The following SLC35F2 variants were observed in gnomAD, a reference collection of about 807,000 sequenced individuals.
SLC35F2 encodes the protein solute carrier family 35 member F2, also known as queuine/queuosine transporter SLC35F2.
Under a neutral mutation model 38.1 loss-of-function variants are expected in SLC35F2, and 25 were observed. The ratio of observed to expected loss-of-function variants is 0.66; its 90% CI spans 0.48 to 0.92. SLC35F2 has a LOEUF of 0.92. Ranked by LOEUF, SLC35F2 falls within the 40% of genes least tolerant of loss-of-function variation. The pLI, the probability that SLC35F2 is intolerant of heterozygous loss-of-function variation, is 0.00. For missense variants in SLC35F2, 409 were observed against 452.9 expected, an observed-to-expected ratio of 0.90 and a Z score of 0.88; for synonymous variants, 173 against 181.7, an observed-to-expected ratio of 0.95 and a Z score of 0.38.
intron 1 of SLC35F2, among the ~76,000 whole-genome samples, chr11:107,844,743 A>C (rs1482521276): frequency 2.0e-5 from 3 of 151,532 alleles, no homozygotes; most frequent in Non-Finnish European, 4.4e-5. Context: ...GGGAGGCCAA[A>C]GCGGGCGGAT....
rs1398628664 is a variant in SLC35F2, at chr11:107,791,061, C to CA, written c.*1553dup. 1 of 152,444 alleles carries CA rather than the reference C, an allele frequency of 6.6e-6. No individual in the cohort carries two copies. The highest frequency in any genetic ancestry group is 1.9e-4 in the East Asian group (1 of 5,188). The allele number at this position is 152,444 out of a possible 1,614,324, so 9.4% of individuals were successfully genotyped here. A position where few individuals can be genotyped will look rare whatever the true frequency, so the allele number is the denominator to read the frequency against. ...TCCCCATTTCTTTTTTACATTGTTA[C>CA]AAAAAATTTACATACAGTTTTCTGA... On this transcript the variant is annotated 3_prime_UTR_variant, in exon 8 of 8. Transcript: ENST00000525815.
intron 1 of SLC35F2, among the ~76,000 whole-genome samples, chr11:107,842,533 A>T (rs1788918888): frequency 6.6e-6 from 1 of 151,394 alleles, no homozygotes; most frequent in Admixed American, 6.6e-5. Context: ...TAAAAATAAA[A>T]TTTTTTAATA....
intron 1 of SLC35F2, among the ~76,000 whole-genome samples, chr11:107,850,374 T>C (rs1860159741): frequency 6.6e-6 from 1 of 152,096 alleles, no homozygotes; most frequent in Non-Finnish European, 1.5e-5. Context: ...AATCAGTGGT[T>C]CTCAATTAGG....
At chr11:107,827,698 G>A (rs1442015382) in intron 1 of SLC35F2, among the ~76,000 whole-genome samples, 3 of 150,372 alleles carry the variant, frequency 2.0e-5, no homozygotes, top group Non-Finnish European at 4.4e-5. Flanking sequence ...GCAGTGAGCC[G>A]AGATCGCAAC....
intron 3 of SLC35F2, chr11:107,810,358 T>C (rs1161760971): frequency 1.0e-6 from 1 of 984,960 alleles, no homozygotes; most frequent in African/African-American, 1.7e-5. Context: ...TCTGTTTAAC[T>C]GTGTTTAGGC....
chr11:107,856,648 G>A (rs1009102933), intron 1 of SLC35F2, among the ~76,000 whole-genome samples: 1 of 151,886 alleles, frequency 6.6e-6, no homozygotes, highest in Non-Finnish European at 1.5e-5. Flanking sequence ...AGTTAGCTGA[G>A]ATAGAGCCTC....
intron 4 of SLC35F2, 40 bp from the exon 5 acceptor site, chr11:107,805,555 C>A: frequency 6.3e-7 from 1 of 1,595,752 alleles, no homozygotes. Context: ...ACACTGTCAA[C>A]AGATGAACCT....
At chr11:107,809,543 A>T in intron 3 of SLC35F2, 1 of 247,250 alleles carries the variant, frequency 4.0e-6, no homozygotes, top group South Asian at 1.5e-4. Context: ...AAGGCAGGAG[A>T]ATCACTTGAA....
chr11:107,824,787 G>A lies in SLC35F2; in HGVS notation c.111-8822C>T, dbSNP rs75833642. The stretch of plus-strand genomic sequence containing the variant: ...TTTATTTCCTTCCTTCCTCTGGCTC[G>A]CCCTGTCTTTTGGTAACCTCTTGAC... On this transcript the variant is annotated intron_variant, in intron 1 of 7. Transcript: ENST00000525815. 3.1e-3 allele frequency among the ~76,000 whole-genome samples: 474 copies of A among 152,134 alleles called. 6 individuals carry two copies. Among genetic ancestry groups the A allele is most frequent in the Non-Finnish European group, 5.2e-3 (352 of 68,012 alleles).
At chr11:107,832,768 C>T (rs1408056938) in intron 1 of SLC35F2, among the ~76,000 whole-genome samples, 2 of 152,188 alleles carry the variant, frequency 1.3e-5, no homozygotes, top group Admixed American at 6.5e-5. Context: ...GATCATGCCA[C>T]TGCACTCCAG....
chr11:107,792,614 G>C lies in SLC35F2; in HGVS notation c.*1C>G. 6.2e-7 allele frequency: 1 copy of C among 1,605,798 alleles called. No homozygotes were observed. Among genetic ancestry groups the C allele is most frequent in the Non-Finnish European group, 8.5e-7 (1 of 1,176,714 alleles). ...GGGGATGGGTGCGCCATCTTCTCCA[G>C]CTACAAGACAGCAGAGTGGGTCTCC... On this transcript the variant is annotated 3_prime_UTR_variant, in exon 8 of 8. Coordinates refer to ENST00000525815, the MANE Select transcript of SLC35F2 (RefSeq NM_017515.5).
intron 1 of SLC35F2, among the ~76,000 whole-genome samples, chr11:107,827,230 T>G (rs1404613501): frequency 3.3e-5 from 5 of 152,124 alleles, no homozygotes. Flanking sequence ...CCTATCTCTT[T>G]CCCCTAAAAA....
At chr11:107,844,033 A>G (rs1860063367) in intron 1 of SLC35F2, among the ~76,000 whole-genome samples, 1 of 151,718 alleles carries the variant, frequency 6.6e-6, no homozygotes, top group South Asian at 2.1e-4. Flanking sequence ...GATGCATTCT[A>G]TTTATCTGAC....
intron 1 of SLC35F2, among the ~76,000 whole-genome samples, chr11:107,850,224 C>T (rs1018939427): frequency 1.3e-5 from 2 of 152,124 alleles, no homozygotes; most frequent in African/African-American, 4.8e-5. Context: ...CGTTCTTCAG[C>T]ACATAGGGGA....
Position 107,815,507 on chromosome 11 carries a change from G to A in SLC35F2, c.286+283C>T, listed in dbSNP as rs371404116. On this transcript the variant is annotated intron_variant, in intron 2 of 7. Coordinates refer to ENST00000525815, the MANE Select transcript of SLC35F2 (RefSeq NM_017515.5). ...TGGGAGGTCAAGGCTGCAGTGAGTC[G>A]AGATTGCACCACTGCACTCCAGCCT... Among the ~76,000 whole-genome samples, 24 of 149,628 alleles carry A rather than the reference G, an allele frequency of 1.6e-4. No individual in the cohort carries two copies. The South Asian group carries it at 4.0e-3, about 25-fold the overall frequency.
At chr11:107,837,412 G>A (rs568116081) in intron 1 of SLC35F2, among the ~76,000 whole-genome samples, 1 of 151,972 alleles carries the variant, frequency 6.6e-6, no homozygotes, top group South Asian at 2.1e-4. Flanking sequence ...ATAAGGCCAG[G>A]AGCAGCAGCT....
intron 1 of SLC35F2, among the ~76,000 whole-genome samples, chr11:107,851,262 C>CA (rs1282616961): frequency 2.2e-3 from 263 of 117,750 alleles, no homozygotes; most frequent in East Asian, 0.014. Flanking sequence ...GATGCTGTCT[C>CA]AAAAAAAAAA....
intron 1 of SLC35F2, among the ~76,000 whole-genome samples, chr11:107,829,896 C>T (rs977146349): frequency 6.6e-6 from 1 of 152,026 alleles, no homozygotes; most frequent in Admixed American, 6.6e-5. Context: ...CAAAAGAATT[C>T]ACAGATATTT....
At chr11:107,809,574 G>A (rs191750737) in intron 3 of SLC35F2, 25 of 546,968 alleles carry the variant, frequency 4.6e-5, no homozygotes, top group Non-Finnish European at 5.8e-5. Flanking sequence ...GGAGGCTGCA[G>A]TGAGCCAAGA....
Sources: allele counts gnomAD v4.1 joint callset (sites outside exome capture counted in the v4.1 genomes callset), GRCh38; gene constraint gnomAD v4.1.1; transcripts MANE v1.5; gene names NCBI Gene and HGNC (gene_info 2026-07-23, HGNC 2026-07-21).